HCN2: variants seen among roughly 807,000 people sequenced by gnomAD.
HCN2 encodes potassium/sodium hyperpolarization-activated cyclic nucleotide-gated channel 2.
In HCN2, 20 loss-of-function variants were observed where a neutral mutation model predicts 52.3. The observed-to-expected ratio is 0.38, with a 90% CI of 0.27 to 0.56. HCN2 has a LOEUF of 0.56. HCN2 is among the 20% of genes least tolerant of loss of function. HCN2 has a pLI of 0.71. For missense variants in HCN2, 981 were observed against 1,207.7 expected, an observed-to-expected ratio of 0.81 and a Z score of 2.78; for synonymous variants, 694 against 537.0, an observed-to-expected ratio of 1.29 and a Z score of -4.04.
chr19:596,109 C>T (rs1983022475), intron 1 of HCN2, among the ~76,000 whole-genome samples: 1 of 152,254 alleles, frequency 6.6e-6, no homozygotes, highest in Non-Finnish European at 1.5e-5. Context: ...CGGCGGCCTC[C>T]TCCCCCAAGC....
rs1363066028 is a variant in HCN2 at position 613,680 on chromosome 19, CGGGGAT to C, written c.1826-167_1826-162del. 6.5e-3 allele frequency among the ~76,000 whole-genome samples: 50 copies of C among 7,670 alleles called. 1 individual carries two copies. The highest frequency in any genetic ancestry group is 0.014 in the East Asian group (3 of 214). 5.0% of individuals were successfully genotyped at this position (7,670 alleles called of 152,430 possible). A position where few individuals can be genotyped will look rare whatever the true frequency, so the allele number is the denominator to read the frequency against. On this transcript the variant is annotated intron_variant, in intron 6 of 7. Coordinates refer to ENST00000251287, the MANE Select transcript of HCN2 (RefSeq NM_001194.4). Reference sequence around the variant, plus strand: ...ATGGGGCCGGGGATGGGGATGGGGCCGGGGATGGGGCCGGGGATGGGGCCGGGGATG... The same window carrying C: ...ATGGGGCCGGGGATGGGGATGGGGCCGGGGCCGGGGATGGGGCCGGGGATG...
Position 592,548 on chromosome 19 carries a change from C to A in HCN2, c.632+1971C>A, listed in dbSNP as rs1982905374. Reference sequence around the variant, plus strand: ...AGGCCCCTGTGTGGACCAAGTGCAGCCCCACCCCGGCAGATGAGTGTTGAA... The same window carrying A: ...AGGCCCCTGTGTGGACCAAGTGCAGACCCACCCCGGCAGATGAGTGTTGAA... On this transcript the variant is annotated intron_variant, in intron 1 of 7. Coordinates refer to ENST00000251287, the MANE Select transcript of HCN2 (RefSeq NM_001194.4). This position sits in a 1 kb window ranked among gnomAD's most constrained non-coding sequence, Gnocchi z 4.8. Among the ~76,000 whole-genome samples the A allele has an allele frequency of 6.6e-6, 1 of 152,140 alleles. No individual in the cohort carries two copies. Among genetic ancestry groups the A allele is most frequent in the African/African-American group, 2.4e-5 (1 of 41,402 alleles).
intron 1 of HCN2, among the ~76,000 whole-genome samples, chr19:594,921 C>T (rs765311965): frequency 6.6e-6 from 1 of 152,154 alleles, no homozygotes; most frequent in East Asian, 1.9e-4. Flanking sequence ...ACATCTTTGT[C>T]CAGGCACTGT....
chr19:607,319 A>G (rs34167478), intron 3 of HCN2, among the ~76,000 whole-genome samples: 4,712 of 152,294 alleles, frequency 0.031, 171 homozygotes, highest in African/African-American at 0.091. Flanking sequence ...CTGCCTGGGG[A>G]GTGCTGTGCC....
In HCN2 at chr19:590,223, C is replaced by G; in HGVS notation, c.278C>G (p.Thr93Arg). 1.0e-6 allele frequency: 1 copy of G among 985,668 alleles called. No homozygotes were observed. Among genetic ancestry groups the G allele is most frequent in the Non-Finnish European group, 1.2e-6 (1 of 831,714 alleles). The allele number at this position is 985,668 out of a possible 1,614,324, so 61.1% of individuals were successfully genotyped here. ...GRPGTPGAAS[T>R]AKGSPNGECG... ...CCCGGCACCCCGGGCGCGGCGAGCA[C>G]GGCCAAGGGCAGCCCGAACGGCGAG... Residue 93 changes from threonine (T) to arginine (R), a missense_variant, in exon 1 of 8, where the codon ACG becomes AGG. Physicochemically the swap from Thr to Arg is moderately conservative, Grantham distance 71 (BLOSUM62 -1). Coordinates refer to ENST00000251287, the MANE Select transcript of HCN2 (RefSeq NM_001194.4). The surrounding 1 kb of genome is among the most constrained non-coding windows in gnomAD (Gnocchi z 7.2).
intron 3 of HCN2, 31 bp downstream of exon 3, chr19:605,253 G>A (rs755566330): frequency 1.2e-6 from 2 of 1,605,992 alleles, no homozygotes; most frequent in East Asian, 2.2e-5. Context: ...CGGAGGGGGA[G>A]ACGCAGGCTC....
In HCN2 at chr19:613,241, C is replaced by T. The variant is rs375139109; in HGVS notation, c.1585-7C>T. On this transcript the variant is annotated splice_polypyrimidine_tract_variant and splice_region_variant and intron_variant, in intron 5 of 7. Transcript: ENST00000251287. ...GCAGCGGACCCAGCCCTGCCTCCCC[C>T]CTGCAGGAGATCGTCAACTTCAACT... The T allele has an allele frequency of 1.6e-5, 25 of 1,609,164 alleles. No homozygotes were observed. Among genetic ancestry groups the T allele is most frequent in the Non-Finnish European group, 2.0e-5 (24 of 1,178,378 alleles).
intron 5 of HCN2, 58 bp downstream of exon 5, chr19:610,463 T>C: frequency 6.6e-7 from 1 of 1,522,306 alleles, no homozygotes; most frequent in South Asian, 1.2e-5. Context: ...GGCCTCCCTC[T>C]CCTGGAGCCC....
rs1282519843 is a variant in HCN2 at position 616,245 on chromosome 19, G to A, written c.2441G>A (p.Ser814Asn). 2.0e-6 allele frequency: 2 copies of A among 1,007,768 alleles called. No individual in the cohort carries two copies. The highest frequency in any genetic ancestry group is 1.2e-6 in the Non-Finnish European group (1 of 847,914). The allele number at this position is 1,007,768 out of a possible 1,614,324, so 62.4% of individuals were successfully genotyped here. Residue 814 changes from serine (S) to asparagine (N), a missense_variant, in exon 8 of 8, where the codon AGC (serine) becomes AAC (asparagine). Coordinates refer to ENST00000251287, the MANE Select transcript of HCN2 (RefSeq NM_001194.4). The part of the protein sequence containing the change: ...AGPALPARRL[S>N]RASRPLSASQ... ...CCCGCCCTGCCCGCGCGCCGCCTGA[G>A]CCGCGCGTCGCGCCCACTGTCCGCC... is the stretch of plus-strand genomic sequence containing the variant.
chr19:604,796 G>A (rs1316012055), intron 2 of HCN2, among the ~76,000 whole-genome samples: 2 of 126,426 alleles, frequency 1.6e-5, no homozygotes, highest in Non-Finnish European at 3.4e-5. Context: ...TGGATTTGGG[G>A]GGTGTCCTAG....
chr19:613,603 GGGGCCGGGGATGGGGATGGGGAT>G (rs2144532899), intron 6 of HCN2, 115 bp downstream of exon 6: 1 of 160,896 alleles, frequency 6.2e-6, no homozygotes, highest in South Asian at 1.4e-4. Flanking sequence ...GGATGGGGAT[GGGGCCGGGGATGGGGATGGGGAT>G]GGGGATGGGG....
At chr19:595,156 C>G (rs527976738) in intron 1 of HCN2, among the ~76,000 whole-genome samples, 1 of 152,080 alleles carries the variant, frequency 6.6e-6, no homozygotes, top group Admixed American at 6.5e-5. Flanking sequence ...GAGCTATGAT[C>G]GTGCCACTGC....
rs1265470588 is a variant in HCN2 at position 616,391 on chromosome 19, C to T, written c.2587C>T (p.Arg863Cys). 3 of 1,240,652 alleles carry T rather than the reference C, an allele frequency of 2.4e-6. No homozygotes were observed. Among genetic ancestry groups the T allele is most frequent in the Non-Finnish European group, 1.0e-6 (1 of 985,776 alleles). The allele number at this position is 1,240,652 out of a possible 1,614,324, so 76.9% of individuals were successfully genotyped here. The change falls in exon 8 of 8, where the codon CGC becomes TGC. Residue 863 changes from arginine (R) to cysteine (C), a missense_variant. Arg to Cys is a radical substitution (Grantham distance 180). Transcript: ENST00000251287. ...AARAAAPSPD[R>C]RDSASPGAAG... The stretch of plus-strand genomic sequence containing the variant: ...CCGGGCCGCCGCGCCCAGCCCGGAC[C>T]GCAGGGACTCGGCCTCACCCGGCGC...
intron 5 of HCN2, among the ~76,000 whole-genome samples, chr19:611,476 C>A (rs900667756): frequency 1.3e-5 from 2 of 152,116 alleles, no homozygotes; most frequent in Non-Finnish European, 2.9e-5. Context: ...GGCGAGGAGG[C>A]GGGCAGGACG....
At chr19:597,799 T>C (rs1983081472) in intron 1 of HCN2, among the ~76,000 whole-genome samples, 1 of 150,714 alleles carries the variant, frequency 6.6e-6, no homozygotes, top group South Asian at 2.1e-4. Context: ...GCCCTCCTGG[T>C]GGTTTCTAGG....
At chr19:612,688 T>G (rs1983692994) in intron 5 of HCN2, among the ~76,000 whole-genome samples, 1 of 151,594 alleles carries the variant, frequency 6.6e-6, no homozygotes, top group South Asian at 2.1e-4. Flanking sequence ...GTGCTGGGAT[T>G]ACAGGTGTGA....
intron 2 of HCN2, 86 bp from the exon 3 acceptor site, chr19:604,975 C>G: frequency 7.2e-7 from 1 of 1,385,508 alleles, no homozygotes; most frequent in East Asian, 2.5e-5. Context: ...CCAGGAGCTC[C>G]CGCAGTGGGG....
intron 1 of HCN2, among the ~76,000 whole-genome samples, chr19:602,521 T>TA (rs938726260): frequency 1.3e-5 from 2 of 152,288 alleles, no homozygotes; most frequent in Admixed American, 6.5e-5. Flanking sequence ...CGCTTCTCAG[T>TA]AAGGCATCTG....
chr19:604,743 G>C (rs12976859), intron 2 of HCN2, among the ~76,000 whole-genome samples: 2 of 108,650 alleles, frequency 1.8e-5, no homozygotes, highest in Admixed American at 2.2e-4. Flanking sequence ...GGGGATATGA[G>C]GGTTGTGCTG....
Sources: gnomAD v4.1 joint callset for allele counts (sites outside exome capture counted in the v4.1 genomes callset) on GRCh38, gnomAD v4.1.1 for gene constraint, Gnocchi (gnomAD v3.1) non-coding constraint, MANE v1.5 for transcripts, NCBI Gene and HGNC (gene_info 2026-07-23, HGNC 2026-07-21) for gene names.